ZC3H12B: variants seen among roughly 807,000 people sequenced by gnomAD.
ZC3H12B encodes zinc finger CCCH-type containing 12B.
In ZC3H12B, 7 loss-of-function variants were observed where a neutral mutation model predicts 43.9. That is an observed-to-expected ratio of 0.16 (90% CI 0.09 to 0.30). The LOEUF is 0.30. Among genes scored for constraint, ZC3H12B ranks in the 10% least tolerant of loss-of-function variants. The pLI, the probability that ZC3H12B is intolerant of heterozygous loss-of-function variation, is 1.00. For missense variants in ZC3H12B, 475 were observed against 670.2 expected, an observed-to-expected ratio of 0.71 and a Z score of 3.22; for synonymous variants, 222 against 241.7, an observed-to-expected ratio of 0.92 and a Z score of 0.76.
intron 2 of ZC3H12B, among the ~76,000 whole-genome samples, chrX:65,388,994 G>A (rs980626487): frequency 8.9e-6 from 1 of 111,887 alleles, no homozygotes; most frequent in Non-Finnish European, 1.9e-5. Context: ...TCGTTCCTCT[G>A]GAAGTTTTGT....
At chrX:65,214,673 AT>A in the ZC3H12B span, among the ~76,000 whole-genome samples, 6 of 111,154 alleles carry the variant, frequency 5.4e-5, no homozygotes, top group Non-Finnish European at 7.5e-5. Context: ...AAAGTTTGGA[AT>A]AAACTCACCT....
At chrX:65,481,570 C>T (rs1378896613) in intron 3 of ZC3H12B, among the ~76,000 whole-genome samples, 1 of 111,609 alleles carries the variant, frequency 9.0e-6, no homozygotes, top group Non-Finnish European at 1.9e-5. Context: ...GGATTACCAG[C>T]ATCCTAAACT....
At chrX:65,065,828 CTTTG>C in the ZC3H12B span, among the ~76,000 whole-genome samples, 6 of 108,389 alleles carry the variant, frequency 5.5e-5, no homozygotes, top group Admixed American at 4.0e-4. Context: ...TTCCTGGAGG[CTTTG>C]TTTGTTTTTT....
At chrX:65,231,406 A>G in the ZC3H12B span, among the ~76,000 whole-genome samples, 1 of 111,381 alleles carries the variant, frequency 9.0e-6, no homozygotes, top group Non-Finnish European at 1.9e-5. Flanking sequence ...AACCAATATG[A>G]GTAGAATTTA....
chrX:65,175,617 C>T, the ZC3H12B span, among the ~76,000 whole-genome samples: 2 of 112,065 alleles, frequency 1.8e-5, no homozygotes, highest in African/African-American at 6.5e-5. Flanking sequence ...CAGCTCTGGT[C>T]TGCAGCTCTC....
chrX:65,395,915 G>A (rs1179300721), intron 2 of ZC3H12B, among the ~76,000 whole-genome samples: 3 of 111,292 alleles, frequency 2.7e-5, no homozygotes, highest in Non-Finnish European at 5.7e-5. Context: ...TTTAGTATTG[G>A]GAGGGTATAT....
chrX:65,348,739 C>A, the ZC3H12B span, among the ~76,000 whole-genome samples: 4 of 107,414 alleles, frequency 3.7e-5, no homozygotes, highest in African/African-American at 1.4e-4. Flanking sequence ...ATAAAACAGA[C>A]TTTAAACCAA....
the ZC3H12B span, among the ~76,000 whole-genome samples, chrX:65,168,021 C>CT: frequency 2.7e-5 from 3 of 111,636 alleles, no homozygotes; most frequent in South Asian, 1.1e-3. Context: ...ATTGAATACC[C>CT]TTTGTTTCTT....
At chrX:65,194,992 C>CT in the ZC3H12B span, among the ~76,000 whole-genome samples, 8 of 109,220 alleles carry the variant, frequency 7.3e-5, no homozygotes, top group East Asian at 2.3e-3. Context: ...TACTCTTGCT[C>CT]TTTTTTTGTT....
chrX:65,193,917 T>G, the ZC3H12B span, among the ~76,000 whole-genome samples: 1 of 111,468 alleles, frequency 9.0e-6, no homozygotes. Flanking sequence ...AGAACCATAG[T>G]GGCTTCTGCT....
chrX:65,296,566 T>C, the ZC3H12B span, among the ~76,000 whole-genome samples: 1 of 111,531 alleles, frequency 9.0e-6, no homozygotes, highest in Non-Finnish European at 1.9e-5. Flanking sequence ...AGCTGAATTC[T>C]ATCAGACATT....
chrX:65,167,574 G>A, the ZC3H12B span, among the ~76,000 whole-genome samples: 13 of 111,840 alleles, frequency 1.2e-4, no homozygotes, highest in Middle Eastern at 4.6e-3. Flanking sequence ...TGCTAATTCT[G>A]TGTAGAAAGT....
the ZC3H12B span, among the ~76,000 whole-genome samples, chrX:65,170,400 T>A: frequency 8.9e-6 from 1 of 112,188 alleles, no homozygotes; most frequent in Non-Finnish European, 1.9e-5. Context: ...TGCCGAGAGA[T>A]CTGCTGTTAG....
intron 2 of ZC3H12B, among the ~76,000 whole-genome samples, chrX:65,376,333 G>A (rs1351645545): frequency 8.9e-6 from 1 of 112,059 alleles, no homozygotes; most frequent in Non-Finnish European, 1.9e-5. Context: ...GACTGCCCTG[G>A]TACTGGAGAA....
chrX:65,491,720 T>A (rs866806694), intron 1 of ZC3H12B, among the ~76,000 whole-genome samples: 10,012 of 102,525 alleles, frequency 0.098, 1,471 homozygotes, highest in African/African-American at 0.35. Flanking sequence ...AAAAAATATA[T>A]ATATATATAT....
chrX:65,463,943 T>TG (rs2067785698), intron 3 of ZC3H12B, among the ~76,000 whole-genome samples: 1 of 111,866 alleles, frequency 8.9e-6, no homozygotes, highest in African/African-American at 3.2e-5. Flanking sequence ...ACAAGTTATT[T>TG]GGTGCTGCCA....
chrX:65,502,909 T>C (rs1316049538), exon 5 of ZC3H12B: 6 of 1,211,726 alleles, frequency 5.0e-6, no homozygotes, highest in Non-Finnish European at 6.7e-6. Context: ...CCTGTACAAC[T>C]GACTCCTATG....
the ZC3H12B span, among the ~76,000 whole-genome samples, chrX:65,147,307 G>T: frequency 9.0e-6 from 1 of 111,686 alleles, no homozygotes; most frequent in Non-Finnish European, 1.9e-5. Flanking sequence ...GGCTGATCTG[G>T]TACCTTGGTC....
chrX:65,108,333 C>T, the ZC3H12B span, among the ~76,000 whole-genome samples: 11 of 111,346 alleles, frequency 9.9e-5, no homozygotes, highest in East Asian at 2.8e-4. Flanking sequence ...TAGCTTAAAA[C>T]GCAAACACAT....
Sources: allele counts gnomAD v4.1 joint callset (sites outside exome capture counted in the v4.1 genomes callset), GRCh38; gene constraint gnomAD v4.1.1; transcripts MANE v1.5; gene names NCBI Gene and HGNC (gene_info 2026-07-23, HGNC 2026-07-21).